CERKL: variants seen among roughly 807,000 people sequenced by gnomAD.
CERKL encodes CERK like autophagy regulator, also known as ceramide kinase-like protein.
A neutral mutation model predicts 63.4 loss-of-function variants in CERKL; 61 were observed. The ratio of observed to expected loss-of-function variants is 0.96; its 90% CI spans 0.78 to 1.19. The LOEUF (loss-of-function observed/expected upper bound fraction) is 1.19. Among genes scored for constraint, CERKL ranks in the 50% most tolerant of loss-of-function variants. CERKL has a pLI of 0.00. For missense variants in CERKL, 675 were observed against 655.5 expected, an observed-to-expected ratio of 1.03 and a Z score of -0.33; for synonymous variants, 250 against 230.5, an observed-to-expected ratio of 1.08 and a Z score of -0.77.
intron 3 of CERKL, among the ~76,000 whole-genome samples, chr2:181,570,896 C>A (rs1376211817): frequency 6.6e-6 from 1 of 152,082 alleles, no homozygotes; most frequent in Non-Finnish European, 1.5e-5. Context: ...CATTTGGACT[C>A]ACCCATTCAC....
At chr2:181,614,742 T>C (rs919269227) in intron 1 of CERKL, among the ~76,000 whole-genome samples, 2 of 152,070 alleles carry the variant, frequency 1.3e-5, no homozygotes, top group Non-Finnish European at 2.9e-5. Flanking sequence ...ACAGACAGTA[T>C]AGTAAAAGAG....
chr2:181,573,634 C>T (rs949248144), intron 3 of CERKL, 119 bp downstream of exon 3: 22 of 781,548 alleles, frequency 2.8e-5, no homozygotes, highest in Middle Eastern at 3.6e-4. Context: ...GTTATGAAGA[C>T]GTAAAAATGC....
intron 2 of CERKL, among the ~76,000 whole-genome samples, chr2:181,576,685 A>G (rs1684239887): frequency 6.6e-6 from 1 of 152,240 alleles, no homozygotes; most frequent in South Asian, 2.1e-4. Context: ...AGGGCCACCA[A>G]ACAAGAACAG....
chr2:181,565,608 T>C (rs1166620642), intron 4 of CERKL: 1 of 974,244 alleles, frequency 1.0e-6, no homozygotes, highest in African/African-American at 1.6e-5. Flanking sequence ...TACTTGTATT[T>C]ATAAAATATC....
At chr2:181,598,380 T>C (rs1432317395) in intron 2 of CERKL, among the ~76,000 whole-genome samples, 1 of 152,052 alleles carries the variant, frequency 6.6e-6, no homozygotes, top group African/African-American at 2.4e-5. Flanking sequence ...GAACTGAAGG[T>C]CATGAGCCCT....
chr2:181,599,104 G>A lies in CERKL; in HGVS notation c.481+4733C>T, dbSNP rs1051105020. On this transcript the variant is annotated intron_variant, in intron 2 of 12. Transcript: ENST00000410087. ...TATGTATTGCAAGGAAACTCAGTGA[G>A]AGCCAAGAGAAATTTAAAATCCATT... Among the ~76,000 whole-genome samples, 17 of 152,230 alleles carry A rather than the reference G, an allele frequency of 1.1e-4. No homozygotes were observed. In the South Asian group the frequency reaches 3.5e-3, roughly 32 times the overall value.
At chr2:181,656,191 C>A (rs1274502220) in intron 1 of CERKL, among the ~76,000 whole-genome samples, 1 of 152,074 alleles carries the variant, frequency 6.6e-6, no homozygotes, top group Non-Finnish European at 1.5e-5. Context: ...AGTTTCTAGA[C>A]CGAGCCTGAA....
chr2:181,600,125 A>G (rs1685396442), intron 2 of CERKL, among the ~76,000 whole-genome samples: 1 of 152,202 alleles, frequency 6.6e-6, no homozygotes, highest in Non-Finnish European at 1.5e-5. Context: ...AATGAAGGAG[A>G]AATAAAGTCT....
At chr2:181,570,838 AT>A (rs1249261311) in intron 3 of CERKL, among the ~76,000 whole-genome samples, 1 of 152,120 alleles carries the variant, frequency 6.6e-6, no homozygotes, top group African/African-American at 2.4e-5. Context: ...ATATAGCACT[AT>A]TTCCTAATTA....
chr2:181,541,811 G>A (rs1687517405), intron 11 of CERKL, among the ~76,000 whole-genome samples: 1 of 152,240 alleles, frequency 6.6e-6, no homozygotes, highest in Non-Finnish European at 1.5e-5. Flanking sequence ...GGGTAACCTG[G>A]ATGGGTAGAA....
chr2:181,581,950 G>C (rs1451302457), intron 2 of CERKL, among the ~76,000 whole-genome samples: 1 of 152,182 alleles, frequency 6.6e-6, no homozygotes, highest in Non-Finnish European at 1.5e-5. Context: ...CTGTAGAATA[G>C]GGCATCTTGC....
chr2:181,563,885 T>C (rs1039928704), intron 4 of CERKL, among the ~76,000 whole-genome samples: 10 of 152,086 alleles, frequency 6.6e-5, no homozygotes, highest in Admixed American at 2.0e-4. Context: ...CTGGGAAAAC[T>C]GACCCCACAA....
At chr2:181,601,720 CCT>C (rs1453698318) in intron 2 of CERKL, among the ~76,000 whole-genome samples, 3 of 152,138 alleles carry the variant, frequency 2.0e-5, no homozygotes, top group African/African-American at 7.2e-5. Context: ...TACAGGCCTC[CCT>C]GAGTCCACTT....
rs951892593 is a variant in CERKL at position 181,558,333 on chromosome 2, C to G, written c.820+233G>C. On this transcript the variant is annotated intron_variant, in intron 5 of 12. Coordinates refer to ENST00000410087, the MANE Select transcript of CERKL (RefSeq NM_201548.5). The surrounding 1 kb of genome is among the most constrained non-coding windows in gnomAD (Gnocchi z 4.2). ...AAACCAAACGTTAGTACTACAATAA[C>G]CTTGTAATAAAGTGAATAATATATC... Among the ~76,000 whole-genome samples, 1 of 151,996 alleles carries G rather than the reference C, an allele frequency of 6.6e-6. No homozygotes were observed. The highest frequency in any genetic ancestry group is 2.4e-5 in the African/African-American group (1 of 41,368).
chr2:181,556,414 C>A (rs1032458535), intron 5 of CERKL, among the ~76,000 whole-genome samples: 1 of 151,906 alleles, frequency 6.6e-6, no homozygotes, highest in Non-Finnish European at 1.5e-5. Flanking sequence ...CCACAACAGG[C>A]CCCAGTGTGT....
intron 2 of CERKL, 158 bp downstream of exon 2, chr2:181,603,679 G>T (rs1685549651): frequency 1.3e-6 from 1 of 782,552 alleles, no homozygotes; most frequent in Non-Finnish European, 2.3e-6. Context: ...TGTAGAAAAA[G>T]TATTTAGCAA....
At chr2:181,559,494 A>G (rs557250848) in intron 4 of CERKL, among the ~76,000 whole-genome samples, 5 of 152,162 alleles carry the variant, frequency 3.3e-5, no homozygotes, top group Non-Finnish European at 2.9e-5. Context: ...TCACAACTCA[A>G]GGGCTACAAG....
chr2:181,655,370 C>CT (rs1688112744), intron 1 of CERKL, among the ~76,000 whole-genome samples: 1 of 152,214 alleles, frequency 6.6e-6, no homozygotes, highest in African/African-American at 2.4e-5. Context: ...TTCAGCTGCA[C>CT]TGTAGGTTAA....
chr2:181,617,490 A>G (rs547478654), intron 1 of CERKL: 2 of 152,358 alleles, frequency 1.3e-5, no homozygotes, highest in South Asian at 2.1e-4. Context: ...GATAAAATAT[A>G]AAGTTTTGAG....
Sources: gnomAD v4.1 joint callset for allele counts (sites outside exome capture counted in the v4.1 genomes callset) on GRCh38, gnomAD v4.1.1 for gene constraint, Gnocchi (gnomAD v3.1) non-coding constraint, MANE v1.5 for transcripts, NCBI Gene and HGNC (gene_info 2026-07-23, HGNC 2026-07-21) for gene names.